GAS7: variants seen among roughly 807,000 people sequenced by gnomAD.
GAS7 encodes the protein growth arrest specific 7, also known as growth arrest-specific protein 7.
GAS7 carries 28 observed loss-of-function variants against 71.1 expected under a neutral mutation model. That is an observed-to-expected ratio of 0.39 (90% CI 0.29 to 0.54). The LOEUF (loss-of-function observed/expected upper bound fraction) is 0.54. GAS7 is among the 20% of genes least tolerant of loss of function. GAS7 has a pLI of 0.62. For missense variants in GAS7, 436 were observed against 627.8 expected, an observed-to-expected ratio of 0.69 and a Z score of 3.27; for synonymous variants, 258 against 245.8, an observed-to-expected ratio of 1.05 and a Z score of -0.46.
Position 9,944,337 on chromosome 17 carries a change from T to C in GAS7, c.616-1101A>G, listed in dbSNP as rs142633166. On this transcript the variant is annotated intron_variant, in intron 6 of 13. Transcript: ENST00000432992. ...CTTAATGGAAGGTGTTCAGAACAGG[T>C]TTTTGATATCCCAGAGAGAGAGGTG... Among the ~76,000 whole-genome samples, 51 of 152,154 alleles carry C rather than the reference T, an allele frequency of 3.4e-4. 1 individual carries two copies. In the East Asian group the frequency reaches 5.8e-3, roughly 17 times the overall value.
chr17:10,113,758 G>A (rs1370895090), intron 1 of GAS7, among the ~76,000 whole-genome samples: 1 of 152,174 alleles, frequency 6.6e-6, no homozygotes, highest in Admixed American at 6.5e-5. Flanking sequence ...CTCGGGAAGG[G>A]AACTGATAGG....
chr17:10,149,737 G>A (rs1043703657), intron 1 of GAS7, among the ~76,000 whole-genome samples: 5 of 152,148 alleles, frequency 3.3e-5, no homozygotes, highest in Non-Finnish European at 7.3e-5. Context: ...GTGGCATATC[G>A]GGATAATGGA....
rs554520084 is a variant in GAS7, at chr17:10,040,773, G to A, written c.184-20876C>T. ...AGTGTGGGAGGAGAGGCCGGGTGAC[G>A]AATCCACACACTCGCTTTTGAGGTC... On this transcript the variant is annotated intron_variant, in intron 1 of 13. Coordinates refer to ENST00000432992, the MANE Select transcript of GAS7 (RefSeq NM_201433.2). 2.0e-4 allele frequency among the ~76,000 whole-genome samples: 30 copies of A among 152,096 alleles called. 1 individual carries two copies. Among genetic ancestry groups the A allele is most frequent in the Non-Finnish European group, 3.1e-4 (21 of 68,022 alleles).
chr17:10,126,779 C>T (rs1379127099), intron 1 of GAS7, among the ~76,000 whole-genome samples: 1 of 152,252 alleles, frequency 6.6e-6, no homozygotes, highest in Non-Finnish European at 1.5e-5. Flanking sequence ...AGAGACTATG[C>T]TCCGGAACCA....
intron 9 of GAS7, among the ~76,000 whole-genome samples, chr17:9,933,507 G>A (rs1187019347): frequency 6.6e-6 from 1 of 152,216 alleles, no homozygotes; most frequent in East Asian, 1.9e-4. Context: ...TATCAAAAAG[G>A]AAATGATATG....
At chr17:10,150,715 A>AG (rs1187159628) in intron 1 of GAS7, among the ~76,000 whole-genome samples, 1 of 150,008 alleles carries the variant, frequency 6.7e-6, no homozygotes, top group African/African-American at 2.5e-5. Context: ...CAGCCTCCCG[A>AG]GTAGCTGGGA....
At chr17:9,949,363 G>C (rs2068913981) in intron 5 of GAS7, among the ~76,000 whole-genome samples, 1 of 152,158 alleles carries the variant, frequency 6.6e-6, no homozygotes, top group South Asian at 2.1e-4. Context: ...TTTAAGTGTT[G>C]GCAATTAATT....
intron 5 of GAS7, among the ~76,000 whole-genome samples, chr17:9,953,829 C>T (rs1222254513): frequency 1.3e-5 from 2 of 152,246 alleles, no homozygotes; most frequent in Non-Finnish European, 1.5e-5. Context: ...ACCATCTTTT[C>T]CCTGCCATTT....
chr17:9,984,650 G>A (rs2070566437), intron 2 of GAS7, among the ~76,000 whole-genome samples: 2 of 152,144 alleles, frequency 1.3e-5, no homozygotes, highest in South Asian at 2.1e-4. Context: ...AGTGACCTCT[G>A]GAATCATCTG....
intron 1 of GAS7, among the ~76,000 whole-genome samples, chr17:10,163,441 T>TA (rs879517796): frequency 4.2e-4 from 57 of 135,080 alleles, no homozygotes; most frequent in Middle Eastern, 3.7e-3. Flanking sequence ...ATTTTTAATT[T>TA]AAAAAAAAAA....
At chr17:10,057,027 C>T (rs7216770) in intron 1 of GAS7, among the ~76,000 whole-genome samples, 16,664 of 152,194 alleles carry the variant, frequency 0.11, 1,028 homozygotes, top group East Asian at 0.16. Context: ...AGCTCCTAAC[C>T]GCGAGTGATC....
At chr17:10,112,045 G>A (rs955970543) in intron 1 of GAS7, among the ~76,000 whole-genome samples, 8 of 152,192 alleles carry the variant, frequency 5.3e-5, no homozygotes, top group African/African-American at 1.7e-4. Context: ...AGTGGCTACC[G>A]TACTGGGCGT....
chr17:10,037,940 A>G (rs553605343), intron 1 of GAS7, among the ~76,000 whole-genome samples: 14 of 152,344 alleles, frequency 9.2e-5, no homozygotes, highest in Admixed American at 3.3e-4. Context: ...CCTCCAAAGA[A>G]GATATAAAAA....
At chr17:10,102,926 T>C (rs897780884) in intron 1 of GAS7, among the ~76,000 whole-genome samples, 1 of 152,166 alleles carries the variant, frequency 6.6e-6, no homozygotes, top group African/African-American at 2.4e-5. Context: ...GGACACATTT[T>C]AGGAAACTGT....
chr17:10,097,793 C>T (rs554928679), intron 1 of GAS7, among the ~76,000 whole-genome samples: 2 of 152,196 alleles, frequency 1.3e-5, no homozygotes, highest in East Asian at 1.9e-4. Context: ...CCTGTAATCC[C>T]AGCACTTTGG....
At chr17:10,017,263 C>CA (rs1307004875) in intron 2 of GAS7, among the ~76,000 whole-genome samples, 1 of 151,924 alleles carries the variant, frequency 6.6e-6, no homozygotes, top group Non-Finnish European at 1.5e-5. Context: ...TCCAAGGGAC[C>CA]AACTGGTCAA....
At chr17:10,133,108 T>TTATATATATATATATATATATA (rs761635181) in intron 1 of GAS7, among the ~76,000 whole-genome samples, 1 of 124,154 alleles carries the variant, frequency 8.1e-6, no homozygotes, top group African/African-American at 3.0e-5. Flanking sequence ...TATAATTAGA[T>TTATATATATATATATATATATA]TATATATTTT....
rs536830261 is a variant in GAS7 at position 10,170,640 on chromosome 17, C to G, written c.183+27568G>C. Among the ~76,000 whole-genome samples, 49 of 152,314 alleles carry G rather than the reference C, an allele frequency of 3.2e-4. 1 individual carries two copies. Among genetic ancestry groups the G allele is most frequent in the Admixed American group, 3.1e-3 (48 of 15,298 alleles). ...GCTTAGTTTTCCTTGCTATCTGTCA[C>G]CCCTAACTAAAATGTAAACTCTATA... is the stretch of plus-strand genomic sequence containing the variant. On this transcript the variant is annotated intron_variant, in intron 1 of 13. Transcript: ENST00000432992.
intron 2 of GAS7, among the ~76,000 whole-genome samples, chr17:10,003,837 C>T (rs1382600487): frequency 6.6e-6 from 1 of 152,210 alleles, no homozygotes; most frequent in Non-Finnish European, 1.5e-5. Flanking sequence ...TCCTGCATGA[C>T]TAACTTCTCA....
Sources: allele counts gnomAD v4.1 joint callset (sites outside exome capture counted in the v4.1 genomes callset), GRCh38; gene constraint gnomAD v4.1.1; transcripts MANE v1.5; gene names NCBI Gene and HGNC (gene_info 2026-07-23, HGNC 2026-07-21).